LRRC4C: variants seen among roughly 807,000 people sequenced by gnomAD.
LRRC4C encodes leucine rich repeat containing 4C, also known as leucine-rich repeat-containing protein 4C.
Under a neutral mutation model 33.6 loss-of-function variants are expected in LRRC4C, and 5 were observed. That is an observed-to-expected ratio of 0.15 (90% confidence interval 0.08 to 0.31). The LOEUF (loss-of-function observed/expected upper bound fraction) is 0.31. LRRC4C is among the 10% of genes least tolerant of loss of function. LRRC4C has a pLI of 1.00. For synonymous variants in LRRC4C, 329 were observed against 302.0 expected (o/e 1.09, Z -0.93); for missense variants, 560 against 796.7 (o/e 0.70, Z 3.58).
intron 1 of LRRC4C, among the ~76,000 whole-genome samples, chr11:41,180,383 AG>A (rs921028532): frequency 1.2e-4 from 19 of 152,214 alleles, no homozygotes; most frequent in African/African-American, 4.3e-4. Flanking sequence ...GTGCAAAAAA[AG>A]GCATTGTAAA....
At chr11:41,129,014 A>G (rs1942887026) in intron 1 of LRRC4C, among the ~76,000 whole-genome samples, 1 of 152,020 alleles carries the variant, frequency 6.6e-6, no homozygotes, top group African/African-American at 2.4e-5. Context: ...AATGAATTCA[A>G]TTAAAGCAAA....
At chr11:41,138,580 A>C (rs1943366413) in intron 1 of LRRC4C, among the ~76,000 whole-genome samples, 1 of 152,218 alleles carries the variant, frequency 6.6e-6, no homozygotes, top group Admixed American at 6.5e-5. Context: ...TCTAAGTTTC[A>C]TAATGTCCTG....
chr11:41,143,488 A>C (rs113464983), intron 1 of LRRC4C, among the ~76,000 whole-genome samples: 7 of 152,270 alleles, frequency 4.6e-5, no homozygotes, highest in African/African-American at 1.7e-4. Context: ...AATCCAACCA[A>C]AATTAACGTA....
chr11:41,226,251 C>A (rs182110873), intron 1 of LRRC4C, among the ~76,000 whole-genome samples: 1 of 152,140 alleles, frequency 6.6e-6, no homozygotes, highest in Non-Finnish European at 1.5e-5. Context: ...AAGTACCAAA[C>A]AATGATCGTT....
intron 3 of LRRC4C, among the ~76,000 whole-genome samples, chr11:40,586,584 C>A (rs1410183286): frequency 6.7e-6 from 1 of 149,066 alleles, no homozygotes. Flanking sequence ...CCTAGGTTTT[C>A]TTCTAGGGTT....
chr11:40,259,153 A>T (rs1590842463), intron 4 of LRRC4C, among the ~76,000 whole-genome samples: 1 of 152,166 alleles, frequency 6.6e-6, no homozygotes, highest in African/African-American at 2.4e-5. Context: ...TGCTTCTCAG[A>T]CTGCACTCTT....
At chr11:40,337,375 G>A (rs1946675798) in intron 3 of LRRC4C, among the ~76,000 whole-genome samples, 1 of 152,184 alleles carries the variant, frequency 6.6e-6, no homozygotes, top group Non-Finnish European at 1.5e-5. Context: ...CTCCTGCGCA[G>A]AGGGTGAGTC....
chr11:41,341,252 G>C lies in LRRC4C; in HGVS notation c.-496+118179C>G, dbSNP rs1396057902. On this transcript the variant is annotated intron_variant, in intron 1 of 6. Coordinates refer to ENST00000528697, the MANE Select transcript of LRRC4C (RefSeq NM_001258419.2). The stretch of plus-strand genomic sequence containing the variant: ...CTTAGAATGACCTAGTTCTTTGAGA[G>C]AAAATTTAAAATATACTGTAAGTGT... 3.9e-5 allele frequency among the ~76,000 whole-genome samples: 6 copies of C among 152,138 alleles called. No individual in the cohort carries two copies. The East Asian group carries it at 1.2e-3, about 29-fold the overall frequency.
chr11:40,869,524 A>T (rs1954531293), intron 2 of LRRC4C, among the ~76,000 whole-genome samples: 3 of 152,136 alleles, frequency 2.0e-5, no homozygotes, highest in Admixed American at 2.0e-4. Flanking sequence ...AGATCTCAGG[A>T]GTTGGGTGAG....
At chr11:40,908,453 C>G (rs1006142163) in intron 2 of LRRC4C, among the ~76,000 whole-genome samples, 3 of 151,968 alleles carry the variant, frequency 2.0e-5, no homozygotes, top group African/African-American at 7.2e-5. Flanking sequence ...GCTGGAGAAG[C>G]ATTCAAGATC....
intron 3 of LRRC4C, among the ~76,000 whole-genome samples, chr11:40,606,644 A>G (rs759981908): frequency 2.6e-5 from 4 of 152,144 alleles, no homozygotes; most frequent in Non-Finnish European, 5.9e-5. Context: ...GGCAAAAATT[A>G]TATATGAAGA....
Position 40,571,165 on chromosome 11 carries a change from A to G in LRRC4C, c.-270+76977T>C, listed in dbSNP as rs149421065. Among the ~76,000 whole-genome samples the G allele has an allele frequency of 6.6e-3, 999 of 152,252 alleles. 6 individuals are homozygous for G. The highest frequency in any genetic ancestry group is 0.017 in the Middle Eastern group (5 of 294). On this transcript the variant is annotated intron_variant, in intron 3 of 6. Coordinates refer to ENST00000528697, the MANE Select transcript of LRRC4C (RefSeq NM_001258419.2). ...GGATACGTAATTATGTATTTTATAA[A>G]CAGCATATACAGGATGTGTTCTGAT...
intron 1 of LRRC4C, among the ~76,000 whole-genome samples, chr11:41,205,503 T>C (rs1946564283): frequency 6.6e-6 from 1 of 151,912 alleles, no homozygotes; most frequent in Admixed American, 6.6e-5. Context: ...TAGAAATGAG[T>C]TAACAAAGGC....
intron 6 of LRRC4C, among the ~76,000 whole-genome samples, chr11:40,132,496 G>A (rs1856713709): frequency 6.6e-6 from 1 of 152,128 alleles, no homozygotes; most frequent in African/African-American, 2.4e-5. Context: ...CCTCAATAGA[G>A]CAGAAATGGG....
At chr11:40,797,996 C>A (rs1220838831) in intron 2 of LRRC4C, among the ~76,000 whole-genome samples, 1 of 151,968 alleles carries the variant, frequency 6.6e-6, no homozygotes, top group Admixed American at 6.6e-5. Context: ...ATATTTTTGC[C>A]AAAAATCGCA....
At position 41,335,469 on chromosome 11, in the gene LRRC4C, CT is replaced by C. The variant is rs201663052; in HGVS notation, c.-496+123961del. On this transcript the variant is annotated intron_variant, in intron 1 of 6. Coordinates refer to ENST00000528697, the MANE Select transcript of LRRC4C (RefSeq NM_001258419.2). ...CCTGTCCATCTTTATTCTCTGCTTA[CT>C]GAGCTTTAATTTTTTTGTAACATTA... 4.5e-4 allele frequency among the ~76,000 whole-genome samples: 69 copies of C among 152,220 alleles called. 1 individual carries two copies. The East Asian group carries it at 0.011, about 25-fold the overall frequency.
At chr11:41,129,195 T>C (rs918728811) in intron 1 of LRRC4C, among the ~76,000 whole-genome samples, 1 of 151,956 alleles carries the variant, frequency 6.6e-6, no homozygotes, top group Non-Finnish European at 1.5e-5. Flanking sequence ...AACTTTTTTA[T>C]AATTAGGTCT....
intron 1 of LRRC4C, among the ~76,000 whole-genome samples, chr11:41,427,612 T>C (rs7947455): frequency 0.059 from 8,933 of 152,190 alleles, 302 homozygotes; most frequent in East Asian, 0.13. Flanking sequence ...AAGCTTGATA[T>C]GTTTTAGAAA....
intron 1 of LRRC4C, among the ~76,000 whole-genome samples, chr11:40,961,771 C>T (rs1003803354): frequency 1.3e-5 from 2 of 151,518 alleles, no homozygotes; most frequent in African/African-American, 4.8e-5. Flanking sequence ...ATCAAAAAAT[C>T]TATAAGAACT....
Sources: gnomAD v4.1 joint callset for allele counts (sites outside exome capture counted in the v4.1 genomes callset) on GRCh38, gnomAD v4.1.1 for gene constraint, MANE v1.5 for transcripts, NCBI Gene and HGNC (gene_info 2026-07-23, HGNC 2026-07-21) for gene names.